The following MAP6 variants were observed in gnomAD, a reference collection of about 807,000 sequenced individuals.
MAP6 encodes microtubule-associated protein 6.
In MAP6, 26 loss-of-function variants were observed where a neutral mutation model predicts 42.4. That is an observed-to-expected ratio of 0.61 (90% CI 0.45 to 0.85). The LOEUF (loss-of-function observed/expected upper bound fraction) is 0.85, where lower values mean the gene tolerates loss of function less well. Ranked by LOEUF, MAP6 falls within the 40% of genes least tolerant of loss-of-function variation. MAP6 has a pLI of 0.00. For missense variants in MAP6, 966 were observed against 1,099.0 expected (o/e 0.88, Z 1.71); for synonymous variants, 418 against 443.8 (o/e 0.94, Z 0.73).
chr11:75,620,302 T>C (rs1445133727), intron 1 of MAP6, among the ~76,000 whole-genome samples: 1 of 152,004 alleles, frequency 6.6e-6, no homozygotes, highest in Non-Finnish European at 1.5e-5. Context: ...AAATCCCATC[T>C]CTATGAAAAT....
rs1944007314 is a variant in MAP6 at position 75,668,577 on chromosome 11, G to A, written c.-208C>T. On this transcript the variant is annotated 5_prime_UTR_variant, in exon 1 of 4. Coordinates refer to ENST00000304771, the MANE Select transcript of MAP6 (RefSeq NM_033063.2). Reference sequence around the variant, plus strand: ...AGTCTGTAGAGTCCCTCGATTACCGGTCGCAAACGCCTTTGGGAGCGCAGT... The same window carrying A: ...AGTCTGTAGAGTCCCTCGATTACCGATCGCAAACGCCTTTGGGAGCGCAGT... The A allele has an allele frequency of 9.1e-6, 5 of 547,328 alleles. No homozygotes were observed. In the South Asian group the frequency reaches 2.6e-4, roughly 28 times the overall value. 33.9% of individuals were successfully genotyped at this position (547,328 alleles called of 1,614,324 possible). A position where few individuals can be genotyped will look rare whatever the true frequency, so the allele number is the denominator to read the frequency against.
chr11:75,588,205 A>G, intron 3 of MAP6, 21 bp from the exon 4 acceptor site: 1 of 1,600,678 alleles, frequency 6.2e-7, no homozygotes, highest in Non-Finnish European at 8.5e-7. Context: ...GAGAGAGGTG[A>G]TCACTGTGAG....
intron 3 of MAP6, among the ~76,000 whole-genome samples, chr11:75,589,293 A>C (rs1269936047): frequency 6.6e-6 from 1 of 152,158 alleles, no homozygotes. Context: ...AGCGTGTGAC[A>C]ACACTAACAC....
intron 1 of MAP6, among the ~76,000 whole-genome samples, chr11:75,625,569 G>A (rs1475542424): frequency 1.3e-5 from 2 of 152,128 alleles, no homozygotes; most frequent in Non-Finnish European, 2.9e-5. Context: ...AGAGGTGAGC[G>A]ATTTGCTCAA....
At chr11:75,619,966 C>A (rs1296490145) in intron 1 of MAP6, among the ~76,000 whole-genome samples, 2 of 152,190 alleles carry the variant, frequency 1.3e-5, no homozygotes, top group Non-Finnish European at 2.9e-5. Flanking sequence ...TTCTCCTCTA[C>A]CTCACCAGCA....
chr11:75,646,194 T>TAA (rs1943550161), intron 1 of MAP6, among the ~76,000 whole-genome samples: 1 of 152,070 alleles, frequency 6.6e-6, no homozygotes, highest in African/African-American at 2.4e-5. Flanking sequence ...AGCAGACTTC[T>TAA]CACAGGCAAC....
intron 1 of MAP6, among the ~76,000 whole-genome samples, chr11:75,640,959 T>C (rs1723079842): frequency 6.6e-6 from 1 of 152,124 alleles, no homozygotes; most frequent in Non-Finnish European, 1.5e-5. Flanking sequence ...AGAAATACCA[T>C]TTGACCCAGC....
intron 3 of MAP6, chr11:75,594,404 AG>A (rs1456881530): frequency 6.6e-6 from 1 of 152,230 alleles, no homozygotes; most frequent in Non-Finnish European, 1.5e-5. Flanking sequence ...GCAGCTGCCA[AG>A]GGGGATTGCC....
Position 75,668,071 on chromosome 11 carries a change from C to T in MAP6, c.299G>A (p.Gly100Asp), listed in dbSNP as rs2135709420. Residue 100 changes from glycine to aspartate, a missense_variant, in exon 1 of 4, where the codon GGC becomes GAC. Physicochemically the swap from Gly to Asp is moderately conservative, Grantham distance 94 (BLOSUM62 -1). Around this residue, in one of 2 missense-constraint regions of MAP6, gnomAD observed 943 missense variants for 1,049.9 expected, o/e 0.90. Transcript: ENST00000304771. ...TGEREPAAGP[G>D]RSGPGPGLGS... ...CAGGCCCGGGCCCGGCCCGCTCCGG[C>T]CGGGGCCCGCCGCCGGCTCGCGCTC... The T allele has an allele frequency of 1.6e-6, 2 of 1,223,082 alleles. No homozygotes were observed. The highest frequency in any genetic ancestry group is 6.7e-5 in the East Asian group (2 of 29,986). The allele number at this position is 1,223,082 out of a possible 1,614,324, so 75.8% of individuals were successfully genotyped here.
chr11:75,604,849 C>T (rs1000331750), intron 3 of MAP6: 3 of 985,510 alleles, frequency 3.0e-6, no homozygotes, highest in Non-Finnish European at 3.6e-6. Flanking sequence ...CTCTGAGGAG[C>T]AGACCAGAGC....
intron 1 of MAP6, chr11:75,642,815 C>T (rs117929065): frequency 5.3e-4 from 233 of 440,044 alleles, no homozygotes; most frequent in Non-Finnish European, 8.9e-4. Flanking sequence ...AAATTGTCAC[C>T]GCAGACCTAG....
chr11:75,656,906 A>T (rs759178090), intron 1 of MAP6, among the ~76,000 whole-genome samples: 2 of 152,182 alleles, frequency 1.3e-5, no homozygotes, highest in Non-Finnish European at 2.9e-5. Context: ...AACATTTCCA[A>T]CACCTCAGAA....
At chr11:75,616,541 C>T (rs1030746532) in intron 1 of MAP6, among the ~76,000 whole-genome samples, 137 of 152,288 alleles carry the variant, frequency 9.0e-4, no homozygotes, top group Non-Finnish European at 1.3e-3. Context: ...TCACTGAATG[C>T]TGTCGGTTGC....
intron 3 of MAP6, among the ~76,000 whole-genome samples, chr11:75,601,088 G>C (rs907982507): frequency 1.3e-5 from 2 of 152,206 alleles, no homozygotes; most frequent in African/African-American, 2.4e-5. Flanking sequence ...AAGAGCCCCT[G>C]GGGGAGCCCT....
chr11:75,642,010 T>C (rs1943478454), intron 1 of MAP6, among the ~76,000 whole-genome samples: 1 of 152,216 alleles, frequency 6.6e-6, no homozygotes, highest in Non-Finnish European at 1.5e-5. Context: ...TTATACAAAA[T>C]TTATATAAAT....
chr11:75,587,483 C>G lies in MAP6; in HGVS notation c.2018G>C (p.Gly673Ala). The change falls in exon 4 of 4, where the codon GGT becomes GCT. Residue 673 changes from glycine to alanine, a missense_variant. By Grantham distance (60) the Gly-to-Ala change is moderately conservative. Coordinates refer to ENST00000304771, the MANE Select transcript of MAP6 (RefSeq NM_033063.2). Reference sequence around the variant, plus strand: ...CTTGACTGGCCCTGAGACCACTAAACCTTGATTCTTTACAGGCTCAGAGAC... The same window carrying G: ...CTTGACTGGCCCTGAGACCACTAAAGCTTGATTCTTTACAGGCTCAGAGAC... ...SMVSEPVKNQ[G>A]LVVSGPVKDQ... 1.2e-6 allele frequency: 2 copies of G among 1,614,148 alleles called. No individual in the cohort carries two copies. Among genetic ancestry groups the G allele is most frequent in the Non-Finnish European group, 1.7e-6 (2 of 1,180,008 alleles).
chr11:75,626,509 T>C (rs905589714), intron 1 of MAP6, among the ~76,000 whole-genome samples: 6 of 152,142 alleles, frequency 3.9e-5, no homozygotes, highest in Non-Finnish European at 8.8e-5. Flanking sequence ...GAGGCTGGGA[T>C]AGGGAGAGAC....
At chr11:75,607,126 G>T in intron 2 of MAP6, 1 of 638,498 alleles carries the variant, frequency 1.6e-6, no homozygotes, top group Non-Finnish European at 1.9e-6. Context: ...GTCCTGGTTT[G>T]CCTGGAACTG....
intron 1 of MAP6, among the ~76,000 whole-genome samples, chr11:75,619,243 T>C (rs925449321): frequency 2.6e-5 from 4 of 152,166 alleles, no homozygotes; most frequent in Non-Finnish European, 5.9e-5. Flanking sequence ...AAAAATGTTT[T>C]ATTTGCTTTA....
Sources: gnomAD v4.1 joint callset for allele counts (sites outside exome capture counted in the v4.1 genomes callset) on GRCh38, gnomAD v4.1.1 for gene constraint, gnomAD v4.1.1 regional missense constraint, MANE v1.5 for transcripts, NCBI Gene and HGNC (gene_info 2026-07-23, HGNC 2026-07-21) for gene names.